SEC63: variants seen among roughly 807,000 people sequenced by gnomAD.
The protein encoded by SEC63 is translocation protein SEC63 homolog.
Under a neutral mutation model 116.2 loss-of-function variants are expected in SEC63, and 56 were observed. The ratio of observed to expected loss-of-function variants is 0.48; its 90% confidence interval spans 0.39 to 0.60. The LOEUF is 0.60. Ranked by LOEUF, SEC63 falls within the 20% of genes least tolerant of loss-of-function variation. SEC63 has a pLI of 0.00. For missense variants in SEC63, 668 were observed against 900.0 expected (o/e 0.74, Z 3.30); for synonymous variants, 273 against 294.6 (o/e 0.93, Z 0.75).
intron 1 of SEC63, among the ~76,000 whole-genome samples, chr6:107,946,775 G>A (rs934275014): frequency 6.6e-6 from 1 of 152,022 alleles, no homozygotes; most frequent in Admixed American, 6.6e-5. Context: ...AGGCTGAGGC[G>A]GGCGGATCAT....
chr6:107,916,313 AC>A, intron 4 of SEC63, among the ~76,000 whole-genome samples: 1 of 152,378 alleles, frequency 6.6e-6, no homozygotes, highest in South Asian at 2.1e-4. Flanking sequence ...GACAACTGCT[AC>A]GCAGAAAATG....
intron 14 of SEC63, among the ~76,000 whole-genome samples, chr6:107,895,008 T>C (rs922204622): frequency 6.6e-5 from 10 of 152,318 alleles, no homozygotes; most frequent in African/African-American, 2.4e-4. Context: ...TATCTGGATG[T>C]TTAAAGAAAA....
intron 4 of SEC63, 142 bp downstream of exon 4, chr6:107,921,655 T>C (rs1384397603): frequency 1.4e-6 from 1 of 692,170 alleles, no homozygotes; most frequent in Admixed American, 2.1e-5. Flanking sequence ...TCTTGGTATG[T>C]TGCCAGGGAT....
At chr6:107,900,835 T>C (rs1327381071) in intron 13 of SEC63, among the ~76,000 whole-genome samples, 2 of 152,116 alleles carry the variant, frequency 1.3e-5, no homozygotes, top group Admixed American at 6.5e-5. Flanking sequence ...CATTCAGATA[T>C]TGAAATAGAA....
Position 107,878,320 on chromosome 6 carries a change from T to G in SEC63, c.1936-1658A>C, listed in dbSNP as rs80201250. 7.0e-3 allele frequency among the ~76,000 whole-genome samples: 1,062 copies of G among 152,322 alleles called. 15 individuals are homozygous for G. The highest frequency in any genetic ancestry group is 0.025 in the African/African-American group (1,032 of 41,566). On this transcript the variant is annotated intron_variant, in intron 18 of 20. Coordinates refer to ENST00000369002, the MANE Select transcript of SEC63 (RefSeq NM_007214.5). Reference sequence around the variant, plus strand: ...CTGAGAGAATACAAATAAAAATATATGTTACAAAGCCTAGCACATGCAGTA... The same window carrying G: ...CTGAGAGAATACAAATAAAAATATAGGTTACAAAGCCTAGCACATGCAGTA...
rs187322352 is a variant in SEC63 at position 107,890,602 on chromosome 6, C to T, written c.1674+2880G>A. Among the ~76,000 whole-genome samples the T allele has an allele frequency of 6.5e-4, 99 of 152,222 alleles. No individual in the cohort carries two copies. In the East Asian group the frequency reaches 0.018, roughly 28 times the overall value. On this transcript the variant is annotated intron_variant, in intron 16 of 20. Coordinates refer to ENST00000369002, the MANE Select transcript of SEC63 (RefSeq NM_007214.5). The stretch of plus-strand genomic sequence containing the variant: ...TAATACTGTTATGTGTGAATTTGAT[C>T]CTGCCATTATGATGCTATCTCGTTA...
Position 107,906,614 on chromosome 6 carries a change from C to CT in SEC63, c.829-35dup, listed in dbSNP as rs746561403. The CT allele has an allele frequency of 8.0e-5, 128 of 1,608,132 alleles. No individual in the cohort carries two copies. In the Middle Eastern group the frequency reaches 9.9e-4, roughly 12 times the overall value. ...AATAAAATAATTATTCAAAAACACG[C>CT]TTTTTTTAAAAAAAGTATTCACTTT... On this transcript the variant is annotated intron_variant, in intron 9 of 20. Transcript: ENST00000369002.
Position 107,871,004 on chromosome 6 carries a change from A to G in SEC63, c.*700T>C, listed in dbSNP as rs536241008. The G allele has an allele frequency of 3.9e-5, 6 of 152,900 alleles. No homozygotes were observed. The South Asian group carries it at 1.2e-3, about 32-fold the overall frequency. The allele number at this position is 152,900 out of a possible 1,614,324, so 9.5% of individuals were successfully genotyped here. A position where few individuals can be genotyped will look rare whatever the true frequency, so the allele number is the denominator to read the frequency against. ...TCACTTTTAGAGCTAGAACTTATCA[A>G]AAGAATTAGATCCTGCATTGATCTG... On this transcript the variant is annotated 3_prime_UTR_variant, in exon 21 of 21. Coordinates refer to ENST00000369002, the MANE Select transcript of SEC63 (RefSeq NM_007214.5).
At chr6:107,955,255 G>A (rs568058817) in intron 1 of SEC63, among the ~76,000 whole-genome samples, 5 of 152,186 alleles carry the variant, frequency 3.3e-5, no homozygotes, top group Admixed American at 1.3e-4. Context: ...TCCAGCTCCC[G>A]GGTTCAAGCA....
Position 107,924,718 on chromosome 6 carries a change from C to G in SEC63, c.339+100G>C, listed in dbSNP as rs905411424. On this transcript the variant is annotated intron_variant, in intron 3 of 20. Transcript: ENST00000369002. ...TTTTAATAAACAAACTGACCAAAGT[C>G]TGATTTCTATAGGAATAGACAATTT... The G allele has an allele frequency of 1.3e-5, 9 of 690,078 alleles. No individual in the cohort carries two copies. The African/African-American group carries it at 1.6e-4, about 12-fold the overall frequency. The allele number at this position is 690,078 out of a possible 1,614,324, so 42.7% of individuals were successfully genotyped here.
At chr6:107,930,321 A>T (rs1787771901) in intron 1 of SEC63, 1 of 151,948 alleles carries the variant, frequency 6.6e-6, no homozygotes, top group Non-Finnish European at 1.5e-5. Context: ...ATTTTAAAAA[A>T]AAAAGGGGGC....
chr6:107,886,732 T>C (rs1583728619), intron 16 of SEC63, among the ~76,000 whole-genome samples: 1 of 152,176 alleles, frequency 6.6e-6, no homozygotes, highest in African/African-American at 2.4e-5. Context: ...AATCTGTTTA[T>C]GTTCTTTGTA....
chr6:107,935,065 C>T (rs1232168463), intron 1 of SEC63, among the ~76,000 whole-genome samples: 2 of 137,590 alleles, frequency 1.5e-5, no homozygotes, highest in African/African-American at 5.5e-5. Context: ...GCCGCCCCTA[C>T]TGGGAAGTGA....
intron 18 of SEC63, among the ~76,000 whole-genome samples, chr6:107,879,328 T>C (rs1325083257): frequency 6.6e-6 from 1 of 151,798 alleles, no homozygotes; most frequent in Non-Finnish European, 1.5e-5. Context: ...CACGCCCGGC[T>C]AATGTTTTTA....
At chr6:107,920,831 G>A (rs1286809989) in intron 4 of SEC63, among the ~76,000 whole-genome samples, 2 of 152,184 alleles carry the variant, frequency 1.3e-5, no homozygotes, top group Non-Finnish European at 2.9e-5. Context: ...CCAAAAGGGT[G>A]CACAAATGTT....
At chr6:107,902,590 GAACT>G (rs1402896044) in intron 12 of SEC63, among the ~76,000 whole-genome samples, 2 of 151,966 alleles carry the variant, frequency 1.3e-5, no homozygotes, top group Admixed American at 6.6e-5. Flanking sequence ...ATAATATAAG[GAACT>G]AACTGTTGAC....
intron 10 of SEC63, among the ~76,000 whole-genome samples, chr6:107,905,077 G>A (rs1351258943): frequency 6.6e-6 from 1 of 152,158 alleles, no homozygotes; most frequent in Non-Finnish European, 1.5e-5. Flanking sequence ...CTAAATACAG[G>A]GGGAGAGATA....
At chr6:107,939,288 A>G (rs1583772790) in intron 1 of SEC63, among the ~76,000 whole-genome samples, 1 of 152,326 alleles carries the variant, frequency 6.6e-6, no homozygotes, top group African/African-American at 2.4e-5. Flanking sequence ...TCTCAAAGAA[A>G]AAAAAACAAC....
rs1430568864 is a variant in SEC63 at position 107,893,654 on chromosome 6, T to G, written c.1502A>C (p.Gln501Pro). Residue 501 changes from glutamine (Q) to proline (P), a missense_variant and splice_region_variant, in exon 16 of 21, where the codon CAG becomes CCG. Coordinates refer to ENST00000369002, the MANE Select transcript of SEC63 (RefSeq NM_007214.5). Reference protein sequence around the residue: ...AAEEQPAEDGQGETNKNRTKG... With the variant: ...AAEEQPAEDGPGETNKNRTKG... ...TGTCCTGTTCTTGTTAGTTTCACCCTGCTGTGAATCATAACACGTCACACT... is the reference window on the plus strand; with the variant it reads ...TGTCCTGTTCTTGTTAGTTTCACCCGGCTGTGAATCATAACACGTCACACT... 1 of 1,614,000 alleles carries G rather than the reference T, an allele frequency of 6.2e-7. No homozygotes were observed. Among genetic ancestry groups the G allele is most frequent in the East Asian group, 2.2e-5 (1 of 44,868 alleles).
Sources: gnomAD v4.1 joint callset for allele counts (sites outside exome capture counted in the v4.1 genomes callset) on GRCh38, gnomAD v4.1.1 for gene constraint, MANE v1.5 for transcripts, NCBI Gene and HGNC (gene_info 2026-07-23, HGNC 2026-07-21) for gene names.